SLC35F4: variants seen among roughly 807,000 people sequenced by gnomAD.
The protein encoded by SLC35F4 is chromosome 14 open reading frame 36.
In SLC35F4, 24 loss-of-function variants were observed where a neutral mutation model predicts 44.2. The observed-to-expected ratio is 0.54, with a 90% CI of 0.39 to 0.76. The LOEUF (loss-of-function observed/expected upper bound fraction) is 0.76. Ranked by LOEUF, SLC35F4 falls within the 30% of genes least tolerant of loss-of-function variation. The pLI is 0.00. For missense variants in SLC35F4, 562 were observed against 586.1 expected (o/e 0.96, Z 0.42); for synonymous variants, 238 against 223.6 (o/e 1.06, Z -0.57).
At chr14:57,795,013 TC>T (rs1416521177) in intron 1 of SLC35F4, among the ~76,000 whole-genome samples, 1 of 152,144 alleles carries the variant, frequency 6.6e-6, no homozygotes, top group African/African-American at 2.4e-5. Context: ...TACACCCATC[TC>T]TGGAAGCCAA....
At chr14:57,946,972 G>A (rs750025119) in intron 1 of SLC35F4, among the ~76,000 whole-genome samples, 2 of 151,980 alleles carry the variant, frequency 1.3e-5, no homozygotes, top group Non-Finnish European at 2.9e-5. Flanking sequence ...GCTCCTTTTT[G>A]GTTCCATGTG....
At chr14:57,790,631 A>T (rs1254515199) in intron 1 of SLC35F4, among the ~76,000 whole-genome samples, 1 of 152,306 alleles carries the variant, frequency 6.6e-6, no homozygotes, top group African/African-American at 2.4e-5. Context: ...ATTGGAAAAA[A>T]CTACTTTAAA....
intron 1 of SLC35F4, among the ~76,000 whole-genome samples, chr14:57,773,785 T>C (rs1463065761): frequency 1.3e-5 from 2 of 152,168 alleles, no homozygotes; most frequent in East Asian, 3.9e-4. Context: ...GTCACTTCCA[T>C]GTCATCCCCA....
chr14:57,874,200 G>T (rs972467577), intron 1 of SLC35F4, among the ~76,000 whole-genome samples: 2 of 152,104 alleles, frequency 1.3e-5, no homozygotes, highest in Non-Finnish European at 2.9e-5. Context: ...TCTCTGGGAA[G>T]GCTTCTCTGC....
intron 1 of SLC35F4, among the ~76,000 whole-genome samples, chr14:57,893,798 G>T (rs1888819969): frequency 1.3e-5 from 2 of 152,078 alleles, no homozygotes; most frequent in Non-Finnish European, 2.9e-5. Flanking sequence ...AGTCTAACAG[G>T]ACCCTTCTCT....
At chr14:57,685,078 A>G (rs1456776892) in intron 1 of SLC35F4, among the ~76,000 whole-genome samples, 1 of 152,214 alleles carries the variant, frequency 6.6e-6, no homozygotes, top group African/African-American at 2.4e-5. Flanking sequence ...GAGTATATAA[A>G]TATAAATAAA....
chr14:57,657,164 T>C (rs2073995570), intron 1 of SLC35F4, among the ~76,000 whole-genome samples: 1 of 152,256 alleles, frequency 6.6e-6, no homozygotes, highest in Non-Finnish European at 1.5e-5. Context: ...CAGGTCTTTC[T>C]CACAGGAGCC....
intron 1 of SLC35F4, among the ~76,000 whole-genome samples, chr14:57,644,987 TTGTGGTACAAGTAC>T (rs1265158877): frequency 6.6e-6 from 1 of 152,240 alleles, no homozygotes; most frequent in African/African-American, 2.4e-5. Flanking sequence ...TATATCTCTG[TTGTGGTACAAGTAC>T]CATGCTGTTT....
At chr14:57,658,244 T>C (rs1339463749) in intron 1 of SLC35F4, among the ~76,000 whole-genome samples, 1 of 152,214 alleles carries the variant, frequency 6.6e-6, no homozygotes, top group African/African-American at 2.4e-5. Flanking sequence ...TGATACTATT[T>C]TTCAGAGAAG....
chr14:57,903,198 G>T (rs1330159106), intron 1 of SLC35F4, among the ~76,000 whole-genome samples: 5 of 152,096 alleles, frequency 3.3e-5, no homozygotes, highest in Non-Finnish European at 7.4e-5. Flanking sequence ...GAGAGATCAG[G>T]TTCAACTCTC....
intron 1 of SLC35F4, among the ~76,000 whole-genome samples, chr14:57,717,762 A>G (rs775579828): frequency 1.3e-5 from 2 of 152,238 alleles, no homozygotes; most frequent in Non-Finnish European, 2.9e-5. Context: ...TTTATGGAGT[A>G]CACGAGATAT....
chr14:57,774,028 T>C (rs2077430285), intron 1 of SLC35F4, among the ~76,000 whole-genome samples: 1 of 152,020 alleles, frequency 6.6e-6, no homozygotes, highest in African/African-American at 2.4e-5. Context: ...ACACCATCCA[T>C]GTATTAAAAA....
downstream of SLC35F4, among the ~76,000 whole-genome samples, chr14:57,972,370 C>T (rs2141095385): frequency 6.6e-6 from 1 of 152,108 alleles, no homozygotes. Context: ...AGCACTGGTC[C>T]AGGTGGAGAT....
At chr14:57,666,586 T>G (rs1431405259) in intron 1 of SLC35F4, among the ~76,000 whole-genome samples, 4 of 152,120 alleles carry the variant, frequency 2.6e-5, no homozygotes, top group Non-Finnish European at 5.9e-5. Flanking sequence ...ACTCCTGACC[T>G]GCAGAAACAG....
At chr14:57,761,303 A>G (rs2077119041) in intron 1 of SLC35F4, among the ~76,000 whole-genome samples, 1 of 152,194 alleles carries the variant, frequency 6.6e-6, no homozygotes, top group South Asian at 2.1e-4. Flanking sequence ...CTTGATGTAC[A>G]TATCTGCAAG....
chr14:57,931,227 T>G (rs1889691004), intron 1 of SLC35F4, among the ~76,000 whole-genome samples: 1 of 152,190 alleles, frequency 6.6e-6, no homozygotes, highest in African/African-American at 2.4e-5. Flanking sequence ...AGTATCCAAT[T>G]TCATGGATGG....
intron 1 of SLC35F4, among the ~76,000 whole-genome samples, chr14:57,714,602 T>C (rs1687694422): frequency 1.3e-5 from 2 of 152,192 alleles, no homozygotes; most frequent in African/African-American, 4.8e-5. Context: ...GCAAACGATA[T>C]TGCCTGCCTG....
chr14:57,666,770 T>C (rs1384461114), intron 1 of SLC35F4, among the ~76,000 whole-genome samples: 1 of 151,814 alleles, frequency 6.6e-6, no homozygotes, highest in East Asian at 1.9e-4. Context: ...GCAAGAAAGC[T>C]ATCAGGGCAG....
At chr14:57,843,276 G>C (rs1194919885) in intron 1 of SLC35F4, among the ~76,000 whole-genome samples, 1 of 152,034 alleles carries the variant, frequency 6.6e-6, no homozygotes, top group African/African-American at 2.4e-5. Flanking sequence ...CTGATACACT[G>C]TCCTTCCTCT....
Sources: allele counts gnomAD v4.1 joint callset (sites outside exome capture counted in the v4.1 genomes callset), GRCh38; gene constraint gnomAD v4.1.1; transcripts MANE v1.5; gene names NCBI Gene and HGNC (gene_info 2026-07-23, HGNC 2026-07-21).